DNAJB13: variants seen among roughly 807,000 people sequenced by gnomAD.
The protein encoded by DNAJB13 is dnaJ homolog subfamily B member 13.
A neutral mutation model predicts 35.6 loss-of-function variants in DNAJB13; 22 were observed. That is an observed-to-expected ratio of 0.62 (90% CI 0.44 to 0.88). The LOEUF (loss-of-function observed/expected upper bound fraction) is 0.88. Among genes scored for constraint, DNAJB13 ranks in the 40% least tolerant of loss-of-function variants. DNAJB13 has a pLI of 0.00. For synonymous variants in DNAJB13, 136 were observed against 144.2 expected (o/e 0.94, Z 0.41); for missense variants, 370 against 384.3 (o/e 0.96, Z 0.31).
At position 73,970,131 on chromosome 11, in the gene DNAJB13, C is replaced by T; in HGVS notation, c.*17C>T. 1 of 1,582,930 alleles carries T rather than the reference C, an allele frequency of 6.3e-7. No individual in the cohort carries two copies. Among genetic ancestry groups the T allele is most frequent in the East Asian group, 2.3e-5 (1 of 44,354 alleles). ...CTGACATGACTGTGGTGGGCTGGAG[C>T]AGGGGTGAGAGGAGGCTAGCCGGGC... On this transcript the variant is annotated 3_prime_UTR_variant, in exon 8 of 8. Coordinates refer to ENST00000339764, the MANE Select transcript of DNAJB13 (RefSeq NM_153614.4).
Position 73,966,181 on chromosome 11 carries a change from T to A in DNAJB13, c.536T>A (p.Ile179Asn), listed in dbSNP as rs1366948083. ...DGYSSTIKDKILTIDVKPGWR... is the reference protein window; with the variant it reads ...DGYSSTIKDKNLTIDVKPGWR... ...TACTCCTCCACCATCAAGGACAAGA[T>A]CCTGACCATTGATGTGAAGCCCGGT... Residue 179 changes from isoleucine (I) to asparagine (N), a missense_variant, in exon 5 of 8, where the codon ATC becomes AAC. Ile to Asn is a moderately radical substitution (Grantham distance 149). Coordinates refer to ENST00000339764, the MANE Select transcript of DNAJB13 (RefSeq NM_153614.4). 2 of 1,613,642 alleles carry A rather than the reference T, an allele frequency of 1.2e-6. No homozygotes were observed. The highest frequency in any genetic ancestry group is 1.7e-6 in the Non-Finnish European group (2 of 1,179,972).
chr11:73,966,255 A>AG lies in DNAJB13; in HGVS notation c.606+10dup. On this transcript the variant is annotated splice_donor_region_variant and intron_variant, in intron 5 of 7. Coordinates refer to ENST00000339764, the MANE Select transcript of DNAJB13 (RefSeq NM_153614.4). ...CTTTGAGAAGGAAGGGGACCAGGTG[A>AG]GGGGGGAAGAAGCTGACTCAGGTCA... is the stretch of plus-strand genomic sequence containing the variant. 4 of 1,610,294 alleles carry AG rather than the reference A, an allele frequency of 2.5e-6. No homozygotes were observed. The highest frequency in any genetic ancestry group is 3.4e-6 in the Non-Finnish European group (4 of 1,178,354).
intron 4 of DNAJB13, 189 bp downstream of exon 4, chr11:73,965,224 C>T (rs1364281818): frequency 4.1e-5 from 25 of 607,334 alleles, no homozygotes; most frequent in Non-Finnish European, 4.0e-5. Flanking sequence ...GACATTAGCC[C>T]GGTTCTTTCC....
intron 3 of DNAJB13, among the ~76,000 whole-genome samples, chr11:73,960,318 A>G (rs1950894656): frequency 6.6e-6 from 1 of 152,118 alleles, no homozygotes; most frequent in Non-Finnish European, 1.5e-5. Context: ...AGCTGGGATT[A>G]CAGGCACCCA....
At chr11:73,969,815 C>A in intron 7 of DNAJB13, 146 bp from the exon 8 acceptor site, 1 of 1,055,242 alleles carries the variant, frequency 9.5e-7, no homozygotes, top group Non-Finnish European at 1.3e-6. Flanking sequence ...CCTTTCCCAA[C>A]CAGTTCTGGC....
rs1565179068 is a variant in DNAJB13, at chr11:73,968,404, CT to C, written c.668del (p.Phe223SerfsTer11). On this transcript the variant is annotated frameshift_variant, in exon 6 of 8. Coordinates refer to ENST00000339764, the MANE Select transcript of DNAJB13 (RefSeq NM_153614.4). LOFTEE classifies it high-confidence loss of function. ...FIVKEKLHPR[F>X]RRENDNLFFV... Reference sequence around the variant, plus strand: ...TCGTAAAGGAGAAGCTACACCCTCGCTTCCGCAGGGAGAATGACAACCTCTT... The same window carrying C: ...TCGTAAAGGAGAAGCTACACCCTCGCTCCGCAGGGAGAATGACAACCTCTT... 1 of 1,614,040 alleles carries C rather than the reference CT, an allele frequency of 6.2e-7. No individual in the cohort carries two copies. Among genetic ancestry groups the C allele is most frequent in the Non-Finnish European group, 8.5e-7 (1 of 1,180,022 alleles).
At chr11:73,952,981 TAGG>T (rs1950623923) in intron 1 of DNAJB13, among the ~76,000 whole-genome samples, 2 of 152,294 alleles carry the variant, frequency 1.3e-5, no homozygotes, top group Admixed American at 1.3e-4. Flanking sequence ...CTGAGCACTT[TAGG>T]AGGCCAAAGC....
intron 5 of DNAJB13, 86 bp downstream of exon 5, chr11:73,966,337 T>G: frequency 7.9e-7 from 1 of 1,263,550 alleles, no homozygotes; most frequent in Non-Finnish European, 1.1e-6. Context: ...AAGGAGGCAA[T>G]ACTTTTTCCT....
chr11:73,961,044 T>C (rs748360361), intron 3 of DNAJB13, among the ~76,000 whole-genome samples: 4 of 152,132 alleles, frequency 2.6e-5, no homozygotes, highest in Non-Finnish European at 5.9e-5. Flanking sequence ...CCCAGCACTT[T>C]GGGAGGCTGA....
intron 6 of DNAJB13, 76 bp from the exon 7 acceptor site, chr11:73,969,170 G>A (rs918764113): frequency 1.1e-5 from 8 of 712,538 alleles, no homozygotes; most frequent in Middle Eastern, 2.7e-4. Flanking sequence ...CACTGGACAG[G>A]TTCCTAAGGT....
At chr11:73,967,218 A>G (rs1481230009) in intron 5 of DNAJB13, among the ~76,000 whole-genome samples, 1 of 151,184 alleles carries the variant, frequency 6.6e-6, no homozygotes, top group Non-Finnish European at 1.5e-5. Context: ...TGGCCTCGAA[A>G]TCCTGACCTC....
rs372767756 is a variant in DNAJB13 at position 73,960,888 on chromosome 11, A to G, written c.334+1233A>G. ...CTATATACTATGTACAGATCTGCATAAGATTTCATTGTACAGATGTCTATT... is the reference window on the plus strand; with the variant it reads ...CTATATACTATGTACAGATCTGCATGAGATTTCATTGTACAGATGTCTATT... On this transcript the variant is annotated intron_variant, in intron 3 of 7. Coordinates refer to ENST00000339764, the MANE Select transcript of DNAJB13 (RefSeq NM_153614.4). Among the ~76,000 whole-genome samples the G allele has an allele frequency of 4.3e-4, 66 of 152,320 alleles. No homozygotes were observed. In the South Asian group the frequency reaches 0.013, roughly 31 times the overall value.
rs753043871 is a variant in DNAJB13, at chr11:73,964,879, GT to G, written c.342del (p.Phe114LeufsTer8). On this transcript the variant is annotated frameshift_variant and splice_region_variant, in exon 4 of 8. Transcript: ENST00000339764. LOFTEE classifies it high-confidence loss of function. ...TACTCCTCTCCCTACCTCCTGCAGA[GT>G]TTTTTGATGCAGAAGGAAGTGAGGT... The part of the protein sequence containing the change: ...FFGGNNPFSE[F>X]FDAEGSEVDL... 1 of 1,612,122 alleles carries G rather than the reference GT, an allele frequency of 6.2e-7. No homozygotes were observed. Among genetic ancestry groups the G allele is most frequent in the Non-Finnish European group, 8.5e-7 (1 of 1,179,466 alleles).
chr11:73,959,367 C>A, intron 2 of DNAJB13, 127 bp from the exon 3 acceptor site: 2 of 1,049,994 alleles, frequency 1.9e-6, no homozygotes, highest in Non-Finnish European at 2.7e-6. Context: ...GACTGCCAGA[C>A]AGCAGGCACT....
intron 4 of DNAJB13, 199 bp downstream of exon 4, chr11:73,965,234 C>A: frequency 1.8e-6 from 1 of 565,704 alleles, no homozygotes; most frequent in Non-Finnish European, 2.9e-6. Flanking sequence ...CGGTTCTTTC[C>A]TAGTGCAGGA....
At chr11:73,955,475 A>C (rs189865654) in intron 1 of DNAJB13, among the ~76,000 whole-genome samples, 1 of 151,886 alleles carries the variant, frequency 6.6e-6, no homozygotes, top group East Asian at 2.0e-4. Flanking sequence ...TGCCCGGCTA[A>C]TTTTTTTATT....
chr11:73,952,698 G>A (rs1317084776), intron 1 of DNAJB13, among the ~76,000 whole-genome samples: 1 of 152,238 alleles, frequency 6.6e-6, no homozygotes, highest in Non-Finnish European at 1.5e-5. Context: ...GAAGGGCAGT[G>A]GGCGTGCAGA....
intron 2 of DNAJB13, among the ~76,000 whole-genome samples, chr11:73,959,248 G>T (rs763749748): frequency 3.3e-5 from 5 of 152,026 alleles, no homozygotes; most frequent in Admixed American, 3.3e-4. Flanking sequence ...CTCTCACCCT[G>T]CCCCCAGCAA....
chr11:73,957,581 C>T (rs1464735441), intron 1 of DNAJB13, among the ~76,000 whole-genome samples: 2 of 152,180 alleles, frequency 1.3e-5, no homozygotes, highest in African/African-American at 2.4e-5. Flanking sequence ...GCCGCAGACT[C>T]GCCCTTTAAC....
Sources: gnomAD v4.1 joint callset for allele counts (sites outside exome capture counted in the v4.1 genomes callset) on GRCh38, gnomAD v4.1.1 for gene constraint, MANE v1.5 for transcripts, NCBI Gene and HGNC (gene_info 2026-07-23, HGNC 2026-07-21) for gene names.